The following RTL4 variants were observed in gnomAD, a reference collection of about 807,000 sequenced individuals.
The protein encoded by RTL4 is retrotransposon Gag like 4.
A neutral mutation model predicts 5.3 loss-of-function variants in RTL4; 4 were observed. The ratio of observed to expected loss-of-function variants is 0.75; its 90% confidence interval spans 0.37 to 1.72. The LOEUF is 1.72. RTL4 is among the 40% of genes most tolerant of loss of function. The pLI is 0.04. For missense variants in RTL4, 260 were observed against 227.1 expected (o/e 1.14, Z -0.93); for synonymous variants, 98 against 87.3 (o/e 1.12, Z -0.68).
the RTL4 span, among the ~76,000 whole-genome samples, chrX:112,239,055 T>C: frequency 9.0e-6 from 1 of 111,707 alleles, no homozygotes; most frequent in Admixed American, 9.5e-5. Flanking sequence ...GGTCATACTC[T>C]GAGTCTCCCA....
the RTL4 span, among the ~76,000 whole-genome samples, chrX:112,335,366 A>T: frequency 2.7e-5 from 3 of 111,884 alleles, no homozygotes; most frequent in African/African-American, 9.7e-5. Context: ...CTCCTAAAAG[A>T]AAGAAAGAAA....
chrX:112,438,160 G>A, the RTL4 span, among the ~76,000 whole-genome samples: 1 of 110,980 alleles, frequency 9.0e-6, no homozygotes, highest in Non-Finnish European at 1.9e-5. Context: ...TCTAGCTCAG[G>A]GTCTCTAATG....
the RTL4 span, among the ~76,000 whole-genome samples, chrX:112,401,292 C>G: frequency 9.0e-6 from 1 of 111,176 alleles, no homozygotes; most frequent in South Asian, 3.8e-4. Context: ...ACCCCATAAT[C>G]TATATGTCTC....
chrX:112,361,462 C>A, the RTL4 span, among the ~76,000 whole-genome samples: 1 of 111,212 alleles, frequency 9.0e-6, no homozygotes, highest in South Asian at 3.7e-4. Flanking sequence ...GTCAAACATG[C>A]TTTTCATCCT....
chrX:112,260,352 C>G, the RTL4 span, among the ~76,000 whole-genome samples: 1 of 111,461 alleles, frequency 9.0e-6, no homozygotes, highest in Non-Finnish European at 1.9e-5. Flanking sequence ...CATACAGAGG[C>G]CTTTTACTCT....
the RTL4 span, among the ~76,000 whole-genome samples, chrX:112,128,418 C>T: frequency 9.0e-6 from 1 of 111,304 alleles, no homozygotes; most frequent in South Asian, 3.8e-4. Flanking sequence ...AATCCTGGCA[C>T]TTTGGGAGGC....
chrX:112,397,747 T>C, the RTL4 span, among the ~76,000 whole-genome samples: 2 of 112,250 alleles, frequency 1.8e-5, no homozygotes, highest in Non-Finnish European at 3.8e-5. Context: ...TTTATACCTT[T>C]AGTCATATTG....
chrX:112,290,741 A>G, the RTL4 span, among the ~76,000 whole-genome samples: 3 of 112,216 alleles, frequency 2.7e-5, no homozygotes, highest in Non-Finnish European at 5.6e-5. Flanking sequence ...GAGTTGTTTT[A>G]GCAATTAATT....
At chrX:112,135,807 A>G in the RTL4 span, among the ~76,000 whole-genome samples, 1 of 109,276 alleles carries the variant, frequency 9.2e-6, no homozygotes, top group Non-Finnish European at 1.9e-5. Flanking sequence ...GCCAAAAATT[A>G]ATTGACTATA....
At chrX:112,255,664 C>G in the RTL4 span, among the ~76,000 whole-genome samples, 14 of 111,807 alleles carry the variant, frequency 1.3e-4, no homozygotes, top group Admixed American at 1.9e-4. Flanking sequence ...TTCCCTTAAC[C>G]TATATGATTA....
chrX:112,193,556 T>G, the RTL4 span, among the ~76,000 whole-genome samples: 4 of 111,722 alleles, frequency 3.6e-5, no homozygotes, highest in African/African-American at 6.5e-5. Flanking sequence ...TCCCTGAGTT[T>G]ATCCTTCTTG....
At chrX:112,294,557 C>T in the RTL4 span, among the ~76,000 whole-genome samples, 1 of 111,522 alleles carries the variant, frequency 9.0e-6, no homozygotes, top group Non-Finnish European at 1.9e-5. Flanking sequence ...CGAGATCATG[C>T]TATTGCACTC....
At chrX:112,318,396 G>A in the RTL4 span, among the ~76,000 whole-genome samples, 1 of 111,307 alleles carries the variant, frequency 9.0e-6, no homozygotes, top group African/African-American at 3.3e-5. Context: ...TGTCTATTTT[G>A]TTCATGTATT....
chrX:112,229,242 G>A, the RTL4 span, among the ~76,000 whole-genome samples: 2 of 112,107 alleles, frequency 1.8e-5, no homozygotes, highest in South Asian at 3.7e-4. Context: ...CAGGCATGGA[G>A]GCTAAAAACA....
chrX:112,136,644 A>C, the RTL4 span, among the ~76,000 whole-genome samples: 3 of 112,111 alleles, frequency 2.7e-5, no homozygotes, highest in Non-Finnish European at 5.6e-5. Context: ...TGCAATTCCT[A>C]TCAAAATCCC....
the RTL4 span, among the ~76,000 whole-genome samples, chrX:112,292,749 C>A: frequency 5.4e-5 from 6 of 111,222 alleles, no homozygotes. Context: ...AGATTTATCC[C>A]CTCAATGTGT....
chrX:112,371,655 GA>G, the RTL4 span, among the ~76,000 whole-genome samples: 1 of 111,451 alleles, frequency 9.0e-6, no homozygotes, highest in East Asian at 2.8e-4. Flanking sequence ...CTCCTTCTCA[GA>G]TATGTTCTAT....
chrX:112,273,987 C>A, the RTL4 span, among the ~76,000 whole-genome samples: 2 of 111,790 alleles, frequency 1.8e-5, no homozygotes, highest in African/African-American at 6.5e-5. Context: ...CTCATTTAAT[C>A]CTCAAACACT....
chrX:112,333,925 A>T, the RTL4 span, among the ~76,000 whole-genome samples: 3 of 108,109 alleles, frequency 2.8e-5, no homozygotes, highest in Non-Finnish European at 5.8e-5. Context: ...CCCATTAACC[A>T]TCCCCACCTC....
Sources: gnomAD v4.1 joint callset for allele counts (sites outside exome capture counted in the v4.1 genomes callset) on GRCh38, gnomAD v4.1.1 for gene constraint, MANE v1.5 for transcripts, NCBI Gene and HGNC (gene_info 2026-07-23, HGNC 2026-07-21) for gene names.